The following PGCKA1 variants were observed in gnomAD, a reference collection of about 807,000 sequenced individuals.
The protein encoded by PGCKA1 is PDCD10 and GCKIII kinases-associated protein 1.
At chr4:37,564,256 A>G in the PGCKA1 span, among the ~76,000 whole-genome samples, 1 of 146,688 alleles carries the variant, frequency 6.8e-6, no homozygotes, top group Non-Finnish European at 1.5e-5. Flanking sequence ...CCTGGGTGAC[A>G]AGAGTGAGAC....
chr4:37,480,480 G>A, the PGCKA1 span, among the ~76,000 whole-genome samples: 18 of 151,938 alleles, frequency 1.2e-4, no homozygotes, highest in African/African-American at 2.9e-4. Context: ...GCAGAGAAGC[G>A]AGACTCCATT....
the PGCKA1 span, among the ~76,000 whole-genome samples, chr4:37,519,157 T>G: frequency 7.9e-5 from 12 of 152,368 alleles, no homozygotes; most frequent in Middle Eastern, 3.4e-3. Context: ...TGTCATGTTT[T>G]GGTTACTATG....
chr4:37,508,398 C>CT, the PGCKA1 span, among the ~76,000 whole-genome samples: 1 of 151,744 alleles, frequency 6.6e-6, no homozygotes, highest in South Asian at 2.1e-4. Flanking sequence ...ATTCTTTATT[C>CT]TTTTTTCTTT....
the PGCKA1 span, among the ~76,000 whole-genome samples, chr4:37,568,992 G>A: frequency 6.6e-6 from 1 of 151,746 alleles, no homozygotes; most frequent in South Asian, 2.1e-4. Context: ...AGCTACTCAG[G>A]AGGCTGAGGT....
the PGCKA1 span, among the ~76,000 whole-genome samples, chr4:37,574,029 A>G: frequency 6.8e-6 from 1 of 147,284 alleles, no homozygotes; most frequent in East Asian, 2.1e-4. Context: ...CTCTACTAAA[A>G]ACACAAAAAT....
the PGCKA1 span, among the ~76,000 whole-genome samples, chr4:37,566,272 T>A: frequency 1.3e-3 from 196 of 152,146 alleles, no homozygotes; most frequent in East Asian, 0.02. Context: ...TGTTCTTTTT[T>A]TTTTATTTTA....
the PGCKA1 span, among the ~76,000 whole-genome samples, chr4:37,569,170 G>A: frequency 6.6e-5 from 10 of 151,942 alleles, no homozygotes; most frequent in African/African-American, 2.4e-4. Context: ...TGGCTAGGAG[G>A]TAAGAAGTGA....
the PGCKA1 span, among the ~76,000 whole-genome samples, chr4:37,534,437 T>C: frequency 1.3e-5 from 2 of 152,212 alleles, no homozygotes; most frequent in Non-Finnish European, 2.9e-5. Flanking sequence ...TATGAGGCCA[T>C]GTATTTAGGG....
the PGCKA1 span, among the ~76,000 whole-genome samples, chr4:37,482,530 G>A: frequency 9.1e-4 from 138 of 152,298 alleles, no homozygotes; most frequent in African/African-American, 3.2e-3. Context: ...TCAAGAGAAA[G>A]CAGAGCATAA....
chr4:37,572,976 C>T, the PGCKA1 span, among the ~76,000 whole-genome samples: 1 of 152,054 alleles, frequency 6.6e-6, no homozygotes, highest in East Asian at 1.9e-4. Flanking sequence ...TGCCTTCTTC[C>T]CAACATTGTA....
the PGCKA1 span, among the ~76,000 whole-genome samples, chr4:37,573,276 T>C: frequency 6.6e-6 from 1 of 152,208 alleles, no homozygotes; most frequent in East Asian, 1.9e-4. Flanking sequence ...GTACCAGATA[T>C]TGTGCTATGT....
At chr4:37,583,506 G>A in the PGCKA1 span, among the ~76,000 whole-genome samples, 28,343 of 150,962 alleles carry the variant, frequency 0.19, 3,341 homozygotes, top group Non-Finnish European at 0.25. Context: ...GTGCGATCTC[G>A]GCTCACTGCA....
chr4:37,510,657 C>T, the PGCKA1 span, among the ~76,000 whole-genome samples: 1 of 152,220 alleles, frequency 6.6e-6, no homozygotes, highest in East Asian at 1.9e-4. Context: ...CTGGGTCAGA[C>T]CTGAAGCCAG....
At chr4:37,559,498 G>T in the PGCKA1 span, among the ~76,000 whole-genome samples, 3 of 151,050 alleles carry the variant, frequency 2.0e-5, no homozygotes, top group Non-Finnish European at 4.4e-5. Flanking sequence ...AATGCTAAAT[G>T]ACAAGTTAAT....
the PGCKA1 span, among the ~76,000 whole-genome samples, chr4:37,529,595 A>G: frequency 9.3e-4 from 142 of 152,364 alleles, no homozygotes; most frequent in African/African-American, 3.2e-3. Flanking sequence ...TCAAGATTTT[A>G]TCTGGTTAAT....
chr4:37,505,801 A>G, the PGCKA1 span, among the ~76,000 whole-genome samples: 3 of 152,338 alleles, frequency 2.0e-5, no homozygotes, highest in East Asian at 5.8e-4. Flanking sequence ...AACACAGCCA[A>G]ACCATATCAG....
chr4:37,590,113 C>A, the PGCKA1 span: 8 of 1,613,462 alleles, frequency 5.0e-6, no homozygotes, highest in Middle Eastern at 1.6e-4. Flanking sequence ...AGTTCAAGTG[C>A]CCTCTCCTGG....
the PGCKA1 span, among the ~76,000 whole-genome samples, chr4:37,548,598 A>T: frequency 6.6e-6 from 1 of 152,188 alleles, no homozygotes; most frequent in African/African-American, 2.4e-5. Context: ...AAATTGGATA[A>T]ATATGTCTAC....
chr4:37,589,245 TGTGA>T, the PGCKA1 span, among the ~76,000 whole-genome samples: 1 of 152,222 alleles, frequency 6.6e-6, no homozygotes, highest in South Asian at 2.1e-4. Flanking sequence ...TTCAGAAAAT[TGTGA>T]GTAACGTGAA....
Sources: allele counts gnomAD v4.1 joint callset (sites outside exome capture counted in the v4.1 genomes callset), GRCh38; gene constraint gnomAD v4.1.1; transcripts MANE v1.5; gene names NCBI Gene and HGNC (gene_info 2026-07-23, HGNC 2026-07-21).